Variants in TCF7L1 observed in about 807,000 individuals in gnomAD.
The protein encoded by TCF7L1 is transcription factor 7 like 1.
Under a neutral mutation model 63.7 loss-of-function variants are expected in TCF7L1, and 18 were observed. The ratio of observed to expected loss-of-function variants is 0.28; its 90% CI spans 0.20 to 0.42. The LOEUF (loss-of-function observed/expected upper bound fraction) is 0.42, where lower values mean the gene tolerates loss of function less well. Ranked by LOEUF, TCF7L1 falls within the 10% of genes least tolerant of loss-of-function variation. The pLI is 1.00. For synonymous variants in TCF7L1, 355 were observed against 340.9 expected, an observed-to-expected ratio of 1.04 and a Z score of -0.46; for missense variants, 654 against 779.3, an observed-to-expected ratio of 0.84 and a Z score of 1.91.
intron 3 of TCF7L1, among the ~76,000 whole-genome samples, chr2:85,269,881 T>C (rs76433308): frequency 0.02 from 3,056 of 152,288 alleles, 98 homozygotes; most frequent in African/African-American, 0.069. Context: ...TCAGGCTCCT[T>C]TATCAGGAGC....
intron 3 of TCF7L1, among the ~76,000 whole-genome samples, chr2:85,203,450 G>A (rs1044500043): frequency 3.3e-5 from 5 of 152,182 alleles, no homozygotes; most frequent in African/African-American, 9.7e-5. Context: ...ATTCCAATCA[G>A]ACATGGTGGC....
At chr2:85,308,561 A>T (rs1282467660) in intron 11 of TCF7L1, among the ~76,000 whole-genome samples, 1 of 122,378 alleles carries the variant, frequency 8.2e-6, no homozygotes, top group Non-Finnish European at 1.6e-5. Context: ...CTCCCTCCCT[A>T]TTTCCTTGCC....
intron 3 of TCF7L1, chr2:85,262,258 G>A: frequency 1.9e-6 from 1 of 520,206 alleles, no homozygotes; most frequent in South Asian, 1.4e-5. Flanking sequence ...CTGAAGATGA[G>A]GTTGATGGGC....
At chr2:85,190,361 G>A (rs1288317852) in intron 3 of TCF7L1, among the ~76,000 whole-genome samples, 1 of 152,202 alleles carries the variant, frequency 6.6e-6, no homozygotes, top group Non-Finnish European at 1.5e-5. Flanking sequence ...CCGTAGAACA[G>A]AGTGCTGATG....
intron 3 of TCF7L1, among the ~76,000 whole-genome samples, chr2:85,199,867 C>T (rs1184203815): frequency 6.6e-6 from 1 of 152,186 alleles, no homozygotes; most frequent in Non-Finnish European, 1.5e-5. Context: ...GTGCAACCAT[C>T]ACCACTCTCT....
chr2:85,206,336 A>G (rs1558633568), intron 3 of TCF7L1, among the ~76,000 whole-genome samples: 2 of 152,224 alleles, frequency 1.3e-5, no homozygotes, highest in Non-Finnish European at 2.9e-5. Context: ...TTTGACCACA[A>G]AATGTGTCAC....
chr2:85,178,720 A>T (rs925661099), intron 3 of TCF7L1, among the ~76,000 whole-genome samples: 10 of 152,184 alleles, frequency 6.6e-5, no homozygotes, highest in African/African-American at 2.4e-5. Flanking sequence ...AAGTTGGTGC[A>T]GCCTCACTGA....
intron 3 of TCF7L1, among the ~76,000 whole-genome samples, chr2:85,172,335 T>C (rs1678564778): frequency 6.6e-6 from 1 of 152,232 alleles, no homozygotes; most frequent in Admixed American, 6.5e-5. Flanking sequence ...ACACCAACTT[T>C]GTTTGATCCA....
At chr2:85,215,609 G>T (rs1310614239) in intron 3 of TCF7L1, among the ~76,000 whole-genome samples, 1 of 152,180 alleles carries the variant, frequency 6.6e-6, no homozygotes, top group African/African-American at 2.4e-5. Context: ...ATCTGGCTGG[G>T]AATGGCCGGG....
At chr2:85,307,599 T>C in intron 10 of TCF7L1, 43 bp from the exon 11 acceptor site, 1 of 1,570,446 alleles carries the variant, frequency 6.4e-7, no homozygotes, top group Non-Finnish European at 8.8e-7. Context: ...AAGCCAGCAT[T>C]CTTCTCTCCC....
chr2:85,183,820 C>T (rs974880472), intron 3 of TCF7L1, among the ~76,000 whole-genome samples: 1 of 152,138 alleles, frequency 6.6e-6, no homozygotes, highest in African/African-American at 2.4e-5. Context: ...CGGAATGGCT[C>T]CAGCAACTCT....
At chr2:85,160,259 G>T (rs567153385) in intron 3 of TCF7L1, among the ~76,000 whole-genome samples, 1 of 152,148 alleles carries the variant, frequency 6.6e-6, no homozygotes, top group Non-Finnish European at 1.5e-5. Flanking sequence ...TTTGTTGGCC[G>T]CATTGTGTGC....
intron 3 of TCF7L1, among the ~76,000 whole-genome samples, chr2:85,212,000 G>A (rs1180770603): frequency 7.0e-6 from 1 of 143,706 alleles, no homozygotes; most frequent in Non-Finnish European, 1.5e-5. Context: ...TGAGGCAGGA[G>A]AATCGCTTGA....
chr2:85,291,874 TTTA>T (rs1681724865), intron 4 of TCF7L1, among the ~76,000 whole-genome samples: 1 of 151,968 alleles, frequency 6.6e-6, no homozygotes, highest in Non-Finnish European at 1.5e-5. Context: ...TCCAGCTATT[TTTA>T]TTATTTGTTG....
chr2:85,284,055 G>A (rs1275525144), intron 4 of TCF7L1, among the ~76,000 whole-genome samples: 1 of 152,188 alleles, frequency 6.6e-6, no homozygotes, highest in African/African-American at 2.4e-5. Flanking sequence ...CTTTTGCCCA[G>A]GCTGGAGTGC....
At chr2:85,259,089 T>A (rs72840025) in intron 3 of TCF7L1, among the ~76,000 whole-genome samples, 7,908 of 152,278 alleles carry the variant, frequency 0.052, 283 homozygotes, top group Non-Finnish European at 0.078. Flanking sequence ...TACCTATAGC[T>A]GAGGCCACCT....
chr2:85,255,544 C>T (rs1426650277), intron 3 of TCF7L1, among the ~76,000 whole-genome samples: 3 of 152,200 alleles, frequency 2.0e-5, no homozygotes, highest in Non-Finnish European at 4.4e-5. Flanking sequence ...GCCTGAGGCA[C>T]CTGCTTCCTG....
rs1291836367 is a variant in TCF7L1 at position 85,310,342 on chromosome 2, T to C, written c.*880T>C. 1 of 152,610 alleles carries C rather than the reference T, an allele frequency of 6.6e-6. No individual in the cohort carries two copies. The highest frequency in any genetic ancestry group is 1.5e-5 in the Non-Finnish European group (1 of 68,040). 9.5% of individuals were successfully genotyped at this position (152,610 alleles called of 1,614,324 possible). ...TTTTGGAGCAATTTAAACTCCCAGTTGTTTATTTTCACAAAAGAAAATAAA... is the reference window on the plus strand; with the variant it reads ...TTTTGGAGCAATTTAAACTCCCAGTCGTTTATTTTCACAAAAGAAAATAAA... On this transcript the variant is annotated 3_prime_UTR_variant, in exon 12 of 12. Transcript: ENST00000282111.
intron 8 of TCF7L1, among the ~76,000 whole-genome samples, 159 bp downstream of exon 8, chr2:85,305,562 C>A (rs1167562447): frequency 6.6e-6 from 1 of 152,172 alleles, no homozygotes; most frequent in African/African-American, 2.4e-5. Flanking sequence ...TCGGGACTTA[C>A]TCCCTCTGAC....
Sources: gnomAD v4.1 joint callset for allele counts (sites outside exome capture counted in the v4.1 genomes callset) on GRCh38, gnomAD v4.1.1 for gene constraint, MANE v1.5 for transcripts, NCBI Gene and HGNC (gene_info 2026-07-23, HGNC 2026-07-21) for gene names.